Variants in CTNND2 observed in about 807,000 individuals in gnomAD.
CTNND2 encodes the protein catenin delta-2.
CTNND2 carries 22 observed loss-of-function variants against 144.4 expected under a neutral mutation model. The observed-to-expected ratio is 0.15, with a 90% CI of 0.11 to 0.22. The LOEUF is 0.22. CTNND2 is among the 10% of genes least tolerant of loss of function. The pLI is 1.00. For synonymous variants in CTNND2, 751 were observed against 695.6 expected, an observed-to-expected ratio of 1.08 and a Z score of -1.25; for missense variants, 1,353 against 1,618.8, an observed-to-expected ratio of 0.84 and a Z score of 2.82.
chr5:11,127,873 AC>A (rs1754838428), intron 12 of CTNND2, among the ~76,000 whole-genome samples: 1 of 152,002 alleles, frequency 6.6e-6, no homozygotes, highest in South Asian at 2.1e-4. Context: ...ATGGGATGAA[AC>A]CTTTGGGGAC....
chr5:11,677,343 A>G (rs1309805428), intron 2 of CTNND2, among the ~76,000 whole-genome samples: 1 of 152,218 alleles, frequency 6.6e-6, no homozygotes, highest in Non-Finnish European at 1.5e-5. Context: ...TTTCTGGTCT[A>G]GAAATACTAT....
chr5:11,601,949 G>A (rs946440127), intron 2 of CTNND2, among the ~76,000 whole-genome samples: 1 of 152,012 alleles, frequency 6.6e-6, no homozygotes, highest in South Asian at 2.1e-4. Flanking sequence ...ACTCAAATCT[G>A]CCCCCGCCAA....
At chr5:11,847,381 C>A (rs191298618) in intron 1 of CTNND2, among the ~76,000 whole-genome samples, 1 of 151,614 alleles carries the variant, frequency 6.6e-6, no homozygotes, top group Admixed American at 6.6e-5. Flanking sequence ...AATCTAGGTA[C>A]AATAAAACAA....
intron 16 of CTNND2, among the ~76,000 whole-genome samples, chr5:11,069,056 T>C (rs1437685888): frequency 6.6e-6 from 1 of 152,248 alleles, no homozygotes; most frequent in African/African-American, 2.4e-5. Context: ...GAACAGTAAC[T>C]ACGCAACGTG....
chr5:11,030,761 T>G (rs1198020188), intron 16 of CTNND2, among the ~76,000 whole-genome samples: 4 of 88,088 alleles, frequency 4.5e-5, no homozygotes, highest in African/African-American at 1.2e-4. Flanking sequence ...TCTGTTTTTT[T>G]TTTTTTTTTT....
At chr5:11,581,613 G>C (rs1778442279) in intron 2 of CTNND2, among the ~76,000 whole-genome samples, 1 of 152,188 alleles carries the variant, frequency 6.6e-6, no homozygotes. Context: ...CCTATCTGCA[G>C]AATCTCTGGT....
At chr5:11,743,245 G>A (rs1274816298) in intron 1 of CTNND2, among the ~76,000 whole-genome samples, 1 of 152,098 alleles carries the variant, frequency 6.6e-6, no homozygotes, top group Non-Finnish European at 1.5e-5. Flanking sequence ...AATAATAATT[G>A]CTTATGAGAG....
intron 9 of CTNND2, among the ~76,000 whole-genome samples, chr5:11,269,276 T>C (rs1275129219): frequency 6.6e-6 from 1 of 152,260 alleles, no homozygotes; most frequent in Admixed American, 6.5e-5. Context: ...GAATCACTCA[T>C]CTTTATTTGC....
At chr5:11,484,932 T>G (rs1001074143) in intron 3 of CTNND2, among the ~76,000 whole-genome samples, 1 of 152,176 alleles carries the variant, frequency 6.6e-6, no homozygotes, top group South Asian at 2.1e-4. Context: ...GAGGTGAAAG[T>G]ATGAAAAATG....
intron 1 of CTNND2, among the ~76,000 whole-genome samples, chr5:11,845,357 C>T (rs1243898267): frequency 1.3e-5 from 2 of 152,056 alleles, no homozygotes; most frequent in Non-Finnish European, 2.9e-5. Flanking sequence ...TTATGTCCTC[C>T]CAAAAATCAT....
intron 1 of CTNND2, among the ~76,000 whole-genome samples, chr5:11,746,991 T>C (rs942589425): frequency 8.5e-5 from 13 of 152,196 alleles, no homozygotes; most frequent in Admixed American, 5.9e-4. Flanking sequence ...TGATACATGA[T>C]ATTAAAGTAG....
intron 2 of CTNND2, among the ~76,000 whole-genome samples, chr5:11,609,912 C>G (rs1010478184): frequency 2.0e-5 from 3 of 152,176 alleles, no homozygotes; most frequent in Admixed American, 1.3e-4. Flanking sequence ...TAGTTTGTCC[C>G]TAACAGAATC....
chr5:11,102,821 T>TA (rs1319923853), intron 14 of CTNND2, among the ~76,000 whole-genome samples: 2 of 151,954 alleles, frequency 1.3e-5, no homozygotes, highest in African/African-American at 2.4e-5. Context: ...ATGGCCCCTG[T>TA]AAAAAAAGGT....
chr5:11,382,603 G>GTATA (rs1245793184), intron 7 of CTNND2, among the ~76,000 whole-genome samples: 5 of 83,486 alleles, frequency 6.0e-5, no homozygotes, highest in African/African-American at 2.3e-4. Flanking sequence ...CTCTGTGTGT[G>GTATA]TGTGTGTGTG....
chr5:11,345,012 A>G (rs567721190), intron 9 of CTNND2, among the ~76,000 whole-genome samples: 1 of 152,342 alleles, frequency 6.6e-6, no homozygotes, highest in African/African-American at 2.4e-5. Flanking sequence ...TAAACCTCCT[A>G]TGTTAAATAT....
intron 3 of CTNND2, among the ~76,000 whole-genome samples, chr5:11,507,930 A>C (rs2150020022): frequency 6.6e-6 from 1 of 152,236 alleles, no homozygotes; most frequent in Middle Eastern, 3.4e-3. Flanking sequence ...GCTGAACTCC[A>C]GCAAATAAGG....
chr5:11,858,668 G>A (rs753897754), intron 1 of CTNND2, among the ~76,000 whole-genome samples: 4 of 152,184 alleles, frequency 2.6e-5, no homozygotes, highest in African/African-American at 7.2e-5. Context: ...GGTGGCTCAC[G>A]CCTGTTAATC....
At chr5:11,361,082 G>A (rs537990209) in intron 8 of CTNND2, among the ~76,000 whole-genome samples, 44 of 152,164 alleles carry the variant, frequency 2.9e-4, no homozygotes, top group African/African-American at 6.5e-4. Context: ...GTGCAGTGGC[G>A]CGATCCTGGC....
At chr5:11,798,872 G>A (rs1035436512) in intron 1 of CTNND2, among the ~76,000 whole-genome samples, 1 of 152,094 alleles carries the variant, frequency 6.6e-6, no homozygotes, top group East Asian at 1.9e-4. Context: ...TACACTTTAT[G>A]GGCCATACAA....
Sources: allele counts gnomAD v4.1 joint callset (sites outside exome capture counted in the v4.1 genomes callset), GRCh38; gene constraint gnomAD v4.1.1; transcripts MANE v1.5; gene names NCBI Gene and HGNC (gene_info 2026-07-23, HGNC 2026-07-21).